Variants in SLC4A10 observed in about 807,000 individuals in gnomAD.
The protein encoded by SLC4A10 is solute carrier family 4 member 10.
SLC4A10 carries 42 observed loss-of-function variants against 137.7 expected under a neutral mutation model. The observed-to-expected ratio is 0.30, with a 90% CI of 0.24 to 0.39. The LOEUF is 0.39. Among genes scored for constraint, SLC4A10 ranks in the 10% least tolerant of loss-of-function variants. The pLI is 1.00. For synonymous variants in SLC4A10, 474 were observed against 464.1 expected, an observed-to-expected ratio of 1.02 and a Z score of -0.27; for missense variants, 925 against 1,355.0, an observed-to-expected ratio of 0.68 and a Z score of 4.98.
At chr2:161,959,599 G>A (rs977892429) in intron 21 of SLC4A10, among the ~76,000 whole-genome samples, 1 of 152,162 alleles carries the variant, frequency 6.6e-6, no homozygotes, top group East Asian at 1.9e-4. Flanking sequence ...TTCAGAGTGA[G>A]CAATATAAAA....
chr2:161,724,793 T>G (rs1482088555), intron 1 of SLC4A10, among the ~76,000 whole-genome samples: 1 of 152,178 alleles, frequency 6.6e-6, no homozygotes, highest in African/African-American at 2.4e-5. Context: ...TTTATTTACA[T>G]TAAGTAGCAC....
intron 1 of SLC4A10, among the ~76,000 whole-genome samples, chr2:161,633,538 G>A (rs1240022771): frequency 6.6e-6 from 1 of 151,564 alleles, no homozygotes; most frequent in Admixed American, 6.6e-5. Context: ...TACAAAATAG[G>A]AATGGTAATA....
intron 1 of SLC4A10, among the ~76,000 whole-genome samples, chr2:161,737,308 G>A (rs911823218): frequency 2.0e-5 from 3 of 152,110 alleles, no homozygotes; most frequent in Non-Finnish European, 4.4e-5. Context: ...ACTGAGTTCA[G>A]TTTGGAACCC....
chr2:161,939,121 G>A (rs1019151618), intron 15 of SLC4A10, among the ~76,000 whole-genome samples: 2 of 151,818 alleles, frequency 1.3e-5, no homozygotes, highest in African/African-American at 2.4e-5. Context: ...CTGTCGCCAG[G>A]CAGAGTGTGC....
chr2:161,832,433 A>C (rs1440671175), intron 3 of SLC4A10, among the ~76,000 whole-genome samples: 1 of 152,332 alleles, frequency 6.6e-6, no homozygotes, highest in East Asian at 1.9e-4. Context: ...CCTCACAGCT[A>C]ATTAATAGAC....
intron 9 of SLC4A10, 57 bp from the exon 10 acceptor site, chr2:161,882,300 T>A: frequency 9.6e-7 from 1 of 1,039,884 alleles, no homozygotes; most frequent in Non-Finnish European, 1.4e-6. Flanking sequence ...GATTCTGTAT[T>A]ACTAAAATTA....
rs1656652103 is a variant in SLC4A10, at chr2:161,753,107, T to C, written c.49-17866T>C. Among the ~76,000 whole-genome samples, 4 of 152,284 alleles carry C rather than the reference T, an allele frequency of 2.6e-5. 1 individual carries two copies. In the South Asian group the frequency reaches 8.3e-4, roughly 32 times the overall value. On this transcript the variant is annotated intron_variant, in intron 1 of 26. Transcript: ENST00000446997. ...GTATTTCTCCTATGCAGAGAAACAA[T>C]TTATTTACAAAGCATTAAATTATAA...
chr2:161,673,885 A>G (rs759525262), intron 1 of SLC4A10, among the ~76,000 whole-genome samples: 1 of 152,048 alleles, frequency 6.6e-6, no homozygotes, highest in Non-Finnish European at 1.5e-5. Context: ...AGCTATTCTG[A>G]AGGCTGAGGC....
At chr2:161,856,040 G>A (rs2060081208) in intron 5 of SLC4A10, among the ~76,000 whole-genome samples, 1 of 151,954 alleles carries the variant, frequency 6.6e-6, no homozygotes, top group African/African-American at 2.4e-5. Flanking sequence ...TTAATCTGCA[G>A]AACAGCCCCA....
chr2:161,624,552 C>A lies in SLC4A10; in HGVS notation c.34C>A (p.Pro12Thr), dbSNP rs1230555417. ...TAAAGACCAGGGAGCCCAAATGGAGCCGCTGCTGCCTACGGTAAGAGACAA... is the reference window on the plus strand; with the variant it reads ...TAAAGACCAGGGAGCCCAAATGGAGACGCTGCTGCCTACGGTAAGAGACAA... ...EIKDQGAQME[P>T]LLPTRNDEEA... The change falls in exon 1 of 27, where the codon CCG becomes ACG. Residue 12 changes from proline to threonine, a missense_variant. Around this residue, in one of 11 missense-constraint regions of SLC4A10, gnomAD observed 138 missense variants for 171.3 expected, o/e 0.81. Transcript: ENST00000446997. The A allele has an allele frequency of 1.0e-5, 16 of 1,553,400 alleles. No individual in the cohort carries two copies. The highest frequency in any genetic ancestry group is 1.0e-5 in the Non-Finnish European group (12 of 1,148,150).
chr2:161,945,878 T>A (rs886191662), intron 16 of SLC4A10, among the ~76,000 whole-genome samples: 3 of 151,932 alleles, frequency 2.0e-5, no homozygotes, highest in African/African-American at 2.4e-5. Context: ...TCCCGCCAAA[T>A]GACTTTTATA....
At chr2:161,898,746 A>G (rs1411405096) in intron 11 of SLC4A10, among the ~76,000 whole-genome samples, 1 of 152,008 alleles carries the variant, frequency 6.6e-6, no homozygotes, top group African/African-American at 2.4e-5. Flanking sequence ...GCTTGGCAAA[A>G]CCACAACCCT....
intron 1 of SLC4A10, among the ~76,000 whole-genome samples, chr2:161,716,464 T>C (rs959632124): frequency 2.0e-5 from 3 of 152,172 alleles, no homozygotes; most frequent in Admixed American, 6.5e-5. Flanking sequence ...TAATTTTGGG[T>C]TTTACATTTA....
chr2:161,697,755 G>A (rs2042691615), intron 1 of SLC4A10, among the ~76,000 whole-genome samples: 1 of 152,164 alleles, frequency 6.6e-6, no homozygotes, highest in Admixed American at 6.6e-5. Context: ...CTCCAGCTTT[G>A]TTCTTTTGGT....
intron 1 of SLC4A10, among the ~76,000 whole-genome samples, chr2:161,754,596 GTGATTGAC>G (rs2049379039): frequency 6.6e-6 from 1 of 152,072 alleles, no homozygotes; most frequent in African/African-American, 2.4e-5. Flanking sequence ...TGCCAATCAT[GTGATTGAC>G]TGAGTCACAA....
chr2:161,761,546 T>C (rs556990774), intron 1 of SLC4A10, among the ~76,000 whole-genome samples: 10 of 152,036 alleles, frequency 6.6e-5, no homozygotes, highest in African/African-American at 2.4e-4. Flanking sequence ...CAAGAACAAG[T>C]CAGGAATCAA....
intron 1 of SLC4A10, among the ~76,000 whole-genome samples, chr2:161,703,008 T>C (rs1017653432): frequency 1.2e-4 from 18 of 151,924 alleles, no homozygotes; most frequent in African/African-American, 4.1e-4. Flanking sequence ...ACCATTTTTC[T>C]ACATAGAGAC....
intron 21 of SLC4A10, among the ~76,000 whole-genome samples, chr2:161,960,327 G>A (rs1428178201): frequency 7.2e-6 from 1 of 139,044 alleles, no homozygotes; most frequent in Admixed American, 7.7e-5. Flanking sequence ...TTGCACCACT[G>A]CACTCCAGCC....
In SLC4A10 at chr2:161,933,182, C is replaced by T. The variant is rs556122533; in HGVS notation, c.1998-9610C>T. ...TCTTTCTTTCTCTTTCCCCTTCCTTCTTTTCTTTCTTTCTTTCTTTCTTTC... is the reference window on the plus strand; with the variant it reads ...TCTTTCTTTCTCTTTCCCCTTCCTTTTTTTCTTTCTTTCTTTCTTTCTTTC... On this transcript the variant is annotated intron_variant, in intron 15 of 26. Transcript: ENST00000446997. Among the ~76,000 whole-genome samples, 590 of 114,486 alleles carry T rather than the reference C, an allele frequency of 5.2e-3. 9 individuals carry two copies. Among genetic ancestry groups the T allele is most frequent in the Middle Eastern group, 0.03 (7 of 236 alleles). The allele number at this position is 114,486 out of a possible 152,430, so 75.1% of individuals were successfully genotyped here. A position where few individuals can be genotyped will look rare whatever the true frequency, so the allele number is the denominator to read the frequency against.
Sources: allele counts gnomAD v4.1 joint callset (sites outside exome capture counted in the v4.1 genomes callset), GRCh38; gene constraint gnomAD v4.1.1; regional missense constraint gnomAD v4.1.1; transcripts MANE v1.5; gene names NCBI Gene and HGNC (gene_info 2026-07-23, HGNC 2026-07-21).